Variants in LAMB1 observed in about 807,000 individuals in gnomAD.
LAMB1 encodes laminin subunit beta-1.
LAMB1 carries 121 observed loss-of-function variants against 222.3 expected under a neutral mutation model. That is an observed-to-expected ratio of 0.54 (90% CI 0.47 to 0.63). The LOEUF is 0.63. Ranked by LOEUF, LAMB1 falls within the 30% of genes least tolerant of loss-of-function variation. The probability of loss-of-function intolerance (pLI) is 0.00; values close to 1 mark genes in which losing one functional copy is unlikely to be tolerated. For synonymous variants in LAMB1, 794 were observed against 807.2 expected, an observed-to-expected ratio of 0.98 and a Z score of 0.28; for missense variants, 2,172 against 2,240.8, an observed-to-expected ratio of 0.97 and a Z score of 0.62.
rs574446094 is a variant in LAMB1, at chr7:107,960,667, C to T, written c.2110-18G>A. Reference sequence around the variant, plus strand: ...AGAACAAGCTGTGAAGAAATGAGAACGGCCAAACATCCTTACAGTGGTGCC... The same window carrying T: ...AGAACAAGCTGTGAAGAAATGAGAATGGCCAAACATCCTTACAGTGGTGCC... On this transcript the variant is annotated intron_variant, in intron 17 of 33. Coordinates refer to ENST00000222399, the MANE Select transcript of LAMB1 (RefSeq NM_002291.3). 2.1e-5 allele frequency: 34 copies of T among 1,608,732 alleles called. No individual in the cohort carries two copies. Among genetic ancestry groups the T allele is most frequent in the South Asian group, 9.9e-5 (9 of 90,966 alleles).
chr7:107,974,336 T>G (rs2150437952), intron 12 of LAMB1, among the ~76,000 whole-genome samples: 2 of 151,708 alleles, frequency 1.3e-5, no homozygotes, highest in Middle Eastern at 6.8e-3. Context: ...TTAATCAAGA[T>G]ACTATTCATA....
At chr7:107,943,825 G>T (rs2033051877) in intron 24 of LAMB1, among the ~76,000 whole-genome samples, 2 of 152,158 alleles carry the variant, frequency 1.3e-5, no homozygotes, top group Admixed American at 6.5e-5. Context: ...GCGTGTGTGT[G>T]TATCTGTGTG....
intron 12 of LAMB1, among the ~76,000 whole-genome samples, 164 bp downstream of exon 12, chr7:107,974,822 G>A (rs555728526): frequency 6.6e-6 from 1 of 152,230 alleles, no homozygotes; most frequent in South Asian, 2.1e-4. Context: ...TGAACATCTT[G>A]TGAAATCATC....
At position 107,929,084 on chromosome 7, in the gene LAMB1, T is replaced by C; in HGVS notation, c.4867A>G (p.Thr1623Ala). Residue 1623 changes from threonine to alanine, a missense_variant, in exon 31 of 34, where the codon ACC (threonine) becomes GCC (alanine). Transcript: ENST00000222399. ...CCTACCGAAGTTAACAGGTTCTGGG[T>C]TCCTTGAATGTCTTCATCTGCTTGT... ...IKQADEDIQG[T>A]QNLLTSIESE... is the part of the protein sequence containing the mutation. 8 of 1,614,004 alleles carry C rather than the reference T, an allele frequency of 5.0e-6. No homozygotes were observed. Among genetic ancestry groups the C allele is most frequent in the Non-Finnish European group, 6.8e-6 (8 of 1,179,968 alleles).
chr7:107,990,680 C>T (rs2034165407), intron 5 of LAMB1, among the ~76,000 whole-genome samples: 1 of 152,196 alleles, frequency 6.6e-6, no homozygotes, highest in African/African-American at 2.4e-5. Flanking sequence ...AATCTTTCTC[C>T]ATTTCATGGT....
chr7:107,940,050 G>A lies in LAMB1; in HGVS notation c.3700C>T (p.Leu1234=), dbSNP rs748765397. ...ERKVSEIKDI[L]AQSPAAEPLK... is the part of the protein sequence containing the mutation. ...GGCTCTGCTGCGGGGCTCTGCGCCA[G>A]GATGTCTTTTATCTCGCTGACTTTC... The change falls in exon 25 of 34, where the codon CTG becomes TTG. Residue 1234 remains leucine, a synonymous_variant. Coordinates refer to ENST00000222399, the MANE Select transcript of LAMB1 (RefSeq NM_002291.3). The A allele has an allele frequency of 1.2e-6, 2 of 1,614,020 alleles. No individual in the cohort carries two copies. The highest frequency in any genetic ancestry group is 8.5e-7 in the Non-Finnish European group (1 of 1,180,034).
rs147843667 is a variant in LAMB1 at position 108,001,640 on chromosome 7, A to C, written c.131T>G (p.Ile44Ser). Residue 44 changes from isoleucine to serine, a missense_variant, in exon 3 of 34, where the codon ATC becomes AGC. Physicochemically the swap from Ile to Ser is moderately radical, Grantham distance 142 (BLOSUM62 -2). Transcript: ENST00000222399. Reference protein sequence around the residue: ...SCYPATGDLLIGRAQKLSVTS... With the variant: ...SCYPATGDLLSGRAQKLSVTS... ...CACCGAAAGCTTCTGTGCTCGGCCG[A>C]TGAGAAGGTCGCCCGTGGCGGGATA... 3.2e-5 allele frequency: 52 copies of C among 1,613,074 alleles called. No individual in the cohort carries two copies. The highest frequency in any genetic ancestry group is 4.2e-5 in the Non-Finnish European group (49 of 1,179,884).
At chr7:107,966,167 G>A (rs1312599538) in intron 13 of LAMB1, among the ~76,000 whole-genome samples, 3 of 151,938 alleles carry the variant, frequency 2.0e-5, no homozygotes, top group African/African-American at 7.3e-5. Flanking sequence ...CTCTTTTTGT[G>A]TATCATGTTG....
chr7:108,002,465 C>G, intron 2 of LAMB1: 2 of 1,272,054 alleles, frequency 1.6e-6, no homozygotes, highest in Non-Finnish European at 2.0e-6. Context: ...AGCCTCCGCT[C>G]AGCTCAGGCA....
chr7:107,994,934 C>T lies in LAMB1; in HGVS notation c.376G>A (p.Asp126Asn). 1 of 1,600,840 alleles carries T rather than the reference C, an allele frequency of 6.2e-7. No individual in the cohort carries two copies. Among genetic ancestry groups the T allele is most frequent in the Non-Finnish European group, 8.6e-7 (1 of 1,168,796 alleles). The change falls in exon 5 of 34, where the codon GAT (aspartate) becomes AAT (asparagine). Residue 126 changes from aspartate to asparagine, a missense_variant. Asp to Asn is a conservative substitution (Grantham distance 23). Coordinates refer to ENST00000222399, the MANE Select transcript of LAMB1 (RefSeq NM_002291.3). ...GTAAAATGGAATTCTGCTTCCAAAT[C>T]CAGTTGGATAGTTACATTTTCCACA... ...NGVENVTIQL[D>N]LEAEFHFTHL...
At chr7:107,935,359 T>A in intron 27 of LAMB1, 56 bp downstream of exon 27, 1 of 472,654 alleles carries the variant, frequency 2.1e-6, no homozygotes, top group Non-Finnish European at 2.9e-6. Flanking sequence ...TTTTTTTTTT[T>A]TTTTTTTTTT....
At chr7:107,943,780 GC>G (rs1269027435) in intron 24 of LAMB1, among the ~76,000 whole-genome samples, 1 of 152,092 alleles carries the variant, frequency 6.6e-6, no homozygotes, top group Non-Finnish European at 1.5e-5. Flanking sequence ...GTTTCTGCCC[GC>G]CTTCTGTATA....
intron 5 of LAMB1, among the ~76,000 whole-genome samples, chr7:107,990,546 A>G (rs184349203): frequency 3.2e-3 from 479 of 150,430 alleles, no homozygotes; most frequent in African/African-American, 0.011. Context: ...TTGACTAACT[A>G]ATTTTTTTTT....
rs183703735 is a variant in LAMB1, at chr7:107,965,080, G to A, written c.1563-393C>T. Among the ~76,000 whole-genome samples, 139 of 152,274 alleles carry A rather than the reference G, an allele frequency of 9.1e-4. 2 individuals carry two copies. The South Asian group carries it at 0.012, about 13-fold the overall frequency. ...CTGTCCCAGAGCATCCCAAACCAAC[G>A]GATCTAAGACAGAAGCCCTCAATCC... On this transcript the variant is annotated intron_variant, in intron 13 of 33. Transcript: ENST00000222399.
chr7:108,002,130 C>T (rs1454219085), intron 2 of LAMB1: 1 of 1,480,804 alleles, frequency 6.8e-7, no homozygotes, highest in Non-Finnish European at 9.0e-7. Context: ...CACACACCCA[C>T]GCACGTGAAC....
chr7:107,925,936 C>CTAAG (rs1247448722), intron 32 of LAMB1, among the ~76,000 whole-genome samples: 3 of 151,616 alleles, frequency 2.0e-5, no homozygotes, highest in Non-Finnish European at 4.4e-5. Flanking sequence ...ACTTCTACCC[C>CTAAG]TAAGTTAATT....
At position 107,995,371 on chromosome 7, in the gene LAMB1, T is replaced by C. The variant is rs1265618807; in HGVS notation, c.350-411A>G. 3.3e-5 allele frequency among the ~76,000 whole-genome samples: 5 copies of C among 152,378 alleles called. No homozygotes were observed. The East Asian group carries it at 7.7e-4, about 24-fold the overall frequency. On this transcript the variant is annotated intron_variant, in intron 4 of 33. Transcript: ENST00000222399. ...AGTAGGGGGTCAGCTTGCAGTCTGA[T>C]GCACAAGGACACAATCCTCCTCCAG...
At chr7:107,937,805 C>T (rs1210525383) in intron 25 of LAMB1, among the ~76,000 whole-genome samples, 5 of 152,200 alleles carry the variant, frequency 3.3e-5, no homozygotes, top group African/African-American at 1.2e-4. Context: ...TCCTCTCTTC[C>T]GTCAGAGGGG....
At chr7:107,963,308 G>A (rs1456219386) in intron 14 of LAMB1, among the ~76,000 whole-genome samples, 1 of 152,066 alleles carries the variant, frequency 6.6e-6, no homozygotes, top group African/African-American at 2.4e-5. Flanking sequence ...CAAAGGCTTG[G>A]GATATACCTT....
Sources: gnomAD v4.1 joint callset for allele counts (sites outside exome capture counted in the v4.1 genomes callset) on GRCh38, gnomAD v4.1.1 for gene constraint, MANE v1.5 for transcripts, NCBI Gene and HGNC (gene_info 2026-07-23, HGNC 2026-07-21) for gene names.